The following DLG2 variants were observed in gnomAD, a reference collection of about 807,000 sequenced individuals.
The protein encoded by DLG2 is discs large MAGUK scaffold protein 2.
In DLG2, 45 loss-of-function variants were observed where a neutral mutation model predicts 132.5. That is an observed-to-expected ratio of 0.34 (90% CI 0.27 to 0.44). DLG2 has a LOEUF of 0.44. DLG2 is among the 20% of genes least tolerant of loss of function. The pLI, the probability that DLG2 is intolerant of heterozygous loss-of-function variation, is 1.00. For synonymous variants in DLG2, 424 were observed against 419.6 expected (o/e 1.01, Z -0.13); for missense variants, 1,045 against 1,196.9 (o/e 0.87, Z 1.87).
intron 6 of DLG2, among the ~76,000 whole-genome samples, chr11:84,989,734 A>C (rs2056884020): frequency 6.6e-6 from 1 of 152,230 alleles, no homozygotes; most frequent in African/African-American, 2.4e-5. Context: ...CTACATAGCT[A>C]GAGTAATCAA....
intron 19 of DLG2, among the ~76,000 whole-genome samples, chr11:83,543,508 T>A (rs1304767405): frequency 6.6e-6 from 1 of 152,168 alleles, no homozygotes; most frequent in Non-Finnish European, 1.5e-5. Flanking sequence ...CATGTCCTGC[T>A]CCTACTATGT....
In DLG2 at chr11:83,723,824, C is replaced by A. The variant is rs148599794; in HGVS notation, c.1825+62866G>T. ...TGAGCCAAGATCGCACCACTGCACT[C>A]CAGCCTGGGTGAAAGAGTGAGATCA... On this transcript the variant is annotated intron_variant, in intron 18 of 27. Transcript: ENST00000376104. Among the ~76,000 whole-genome samples the A allele has an allele frequency of 5.9e-5, 9 of 152,094 alleles. No individual in the cohort carries two copies. In the East Asian group the frequency reaches 1.7e-3, roughly 29 times the overall value.
chr11:84,720,148 C>G, intron 6 of DLG2: 1 of 553,328 alleles, frequency 1.8e-6, no homozygotes, highest in Non-Finnish European at 2.3e-6. Context: ...ATCTCTTGGC[C>G]CCCAAACCCA....
intron 15 of DLG2, among the ~76,000 whole-genome samples, chr11:83,880,976 T>C (rs778261884): frequency 4.1e-4 from 62 of 152,190 alleles, no homozygotes; most frequent in Non-Finnish European, 7.5e-4. Context: ...TCTTTGCTTG[T>C]ATGTGCTTAC....
chr11:83,746,081 G>A (rs2092888920), intron 18 of DLG2, among the ~76,000 whole-genome samples: 1 of 152,078 alleles, frequency 6.6e-6, no homozygotes. Flanking sequence ...GAAACAACAG[G>A]TGCTGGAGAG....
At chr11:85,608,929 G>A (rs1024964240) in intron 2 of DLG2, among the ~76,000 whole-genome samples, 8 of 152,170 alleles carry the variant, frequency 5.3e-5, no homozygotes, top group Non-Finnish European at 1.0e-4. Flanking sequence ...AGAGTTTGGA[G>A]ATACCTGGTA....
At chr11:84,762,210 A>G (rs1055941176) in intron 6 of DLG2, 1 of 152,314 alleles carries the variant, frequency 6.6e-6, no homozygotes, top group East Asian at 1.9e-4. Flanking sequence ...TCATTTAAAC[A>G]TTTTTATTAC....
At chr11:84,467,485 C>T (rs1031998915) in intron 7 of DLG2, among the ~76,000 whole-genome samples, 3 of 151,114 alleles carry the variant, frequency 2.0e-5, no homozygotes, top group Non-Finnish European at 3.0e-5. Flanking sequence ...TAAGGTGAAG[C>T]GTGTAAAGGG....
At chr11:85,312,554 A>G (rs901748664) in intron 3 of DLG2, among the ~76,000 whole-genome samples, 27 of 152,062 alleles carry the variant, frequency 1.8e-4, no homozygotes, top group Non-Finnish European at 2.7e-4. Flanking sequence ...TGCTGAAAGC[A>G]TGAAAAGATT....
intron 6 of DLG2, among the ~76,000 whole-genome samples, chr11:84,642,833 G>C (rs903221564): frequency 8.9e-5 from 13 of 145,884 alleles, no homozygotes; most frequent in African/African-American, 3.5e-4. Context: ...ATGACACAAA[G>C]AAAAGACAAA....
chr11:83,951,922 T>C (rs1246578041), intron 14 of DLG2, among the ~76,000 whole-genome samples: 1 of 152,174 alleles, frequency 6.6e-6, no homozygotes, highest in African/African-American at 2.4e-5. Flanking sequence ...GTGGATGTAT[T>C]TTGAAGGTAA....
chr11:83,634,971 T>G lies in DLG2; in HGVS notation c.1826-1646A>C, dbSNP rs370437342. ...AATAAGTCCTAAATGATTAAATAAG[T>G]AGAACACATATTTAACAACATATTT... On this transcript the variant is annotated intron_variant, in intron 18 of 27. Transcript: ENST00000376104. Among the ~76,000 whole-genome samples, 5 of 152,302 alleles carry G rather than the reference T, an allele frequency of 3.3e-5. No individual in the cohort carries two copies. The East Asian group carries it at 9.6e-4, about 29-fold the overall frequency.
rs189298183 is a variant in DLG2, at chr11:84,427,069, C to T, written c.519+107501G>A. Among the ~76,000 whole-genome samples the T allele has an allele frequency of 2.0e-4, 30 of 152,198 alleles. 1 individual carries two copies. The East Asian group carries it at 5.6e-3, about 28-fold the overall frequency. On this transcript the variant is annotated intron_variant, in intron 7 of 27. Transcript: ENST00000376104. ...AGACAGAGATATAATTACACACCTC[C>T]TCATTTTATAAAACCAGGGTGACAG...
At chr11:83,579,767 G>A (rs771458356) in intron 19 of DLG2, among the ~76,000 whole-genome samples, 24 of 151,938 alleles carry the variant, frequency 1.6e-4, no homozygotes, top group Non-Finnish European at 2.6e-4. Flanking sequence ...TCAGGAGATC[G>A]AGACCATCCT....
chr11:83,736,495 T>A (rs1184445977), intron 18 of DLG2, among the ~76,000 whole-genome samples: 1 of 152,162 alleles, frequency 6.6e-6, no homozygotes, highest in Non-Finnish European at 1.5e-5. Flanking sequence ...CTTGGCAAGA[T>A]TGGCTATTTA....
chr11:84,731,399 C>T (rs1008932581), intron 6 of DLG2, among the ~76,000 whole-genome samples: 4 of 151,854 alleles, frequency 2.6e-5, no homozygotes, highest in Admixed American at 6.6e-5. Context: ...ATAAGTGCTT[C>T]GAGGAGAGCT....
chr11:84,692,627 G>T (rs1204172224), intron 6 of DLG2, among the ~76,000 whole-genome samples: 1 of 151,616 alleles, frequency 6.6e-6, no homozygotes, highest in African/African-American at 2.4e-5. Flanking sequence ...TATAAATGAA[G>T]CATTTATTAT....
intron 6 of DLG2, among the ~76,000 whole-genome samples, chr11:84,743,979 C>G (rs373305696): frequency 9.9e-5 from 15 of 152,128 alleles, no homozygotes; most frequent in African/African-American, 3.1e-4. Context: ...CTGTCTCGGC[C>G]TCCCAAAGTA....
At chr11:84,941,273 G>A (rs1342703762) in intron 6 of DLG2, among the ~76,000 whole-genome samples, 1 of 152,094 alleles carries the variant, frequency 6.6e-6, no homozygotes, top group East Asian at 1.9e-4. Flanking sequence ...GAATGTCATT[G>A]GTATTTTGAT....
Sources: allele counts gnomAD v4.1 joint callset (sites outside exome capture counted in the v4.1 genomes callset), GRCh38; gene constraint gnomAD v4.1.1; transcripts MANE v1.5; gene names NCBI Gene and HGNC (gene_info 2026-07-23, HGNC 2026-07-21).